SLA: variants seen among roughly 807,000 people sequenced by gnomAD.
The protein encoded by SLA is Src like adaptor, also known as src-like-adapter.
A neutral mutation model predicts 30.3 loss-of-function variants in SLA; 16 were observed. The ratio of observed to expected loss-of-function variants is 0.53; its 90% CI spans 0.36 to 0.80. SLA has a LOEUF of 0.80. Among genes scored for constraint, SLA ranks in the 30% least tolerant of loss-of-function variants. SLA has a pLI of 0.01. For missense variants in SLA, 310 were observed against 345.2 expected, an observed-to-expected ratio of 0.90 and a Z score of 0.81; for synonymous variants, 143 against 137.8, an observed-to-expected ratio of 1.04 and a Z score of -0.26.
At chr8:133,094,733 A>G (rs1405215974) in intron 1 of SLA, 2 of 431,944 alleles carry the variant, frequency 4.6e-6, no homozygotes, top group African/African-American at 4.0e-5. Flanking sequence ...GATCCTCTTA[A>G]AGAACCATCA....
intron 1 of SLA, among the ~76,000 whole-genome samples, chr8:133,088,765 A>G (rs947742052): frequency 1.3e-5 from 2 of 152,178 alleles, no homozygotes; most frequent in Admixed American, 6.5e-5. Context: ...CTTTTTTCCT[A>G]TGCCCTAAGA....
At chr8:133,059,258 A>C (rs1842015659) in intron 3 of SLA, 2 of 398,496 alleles carry the variant, frequency 5.0e-6, no homozygotes, top group African/African-American at 4.1e-5. Flanking sequence ...AAGTGTTCCA[A>C]GGTGCCCCCT....
At chr8:133,097,384 G>A (rs1357574447) in intron 1 of SLA, among the ~76,000 whole-genome samples, 1 of 152,208 alleles carries the variant, frequency 6.6e-6, no homozygotes, top group East Asian at 1.9e-4. Context: ...TTGTGGCATT[G>A]ATTATTGTGG....
At chr8:133,058,143 T>G (rs1841793904) in intron 3 of SLA, among the ~76,000 whole-genome samples, 2 of 152,356 alleles carry the variant, frequency 1.3e-5, no homozygotes, top group African/African-American at 4.8e-5. Context: ...TGGGGACTAC[T>G]TAACACGGCA....
At chr8:133,047,783 A>G (rs1839721094) in intron 6 of SLA, 47 bp downstream of exon 6, 1 of 1,067,602 alleles carries the variant, frequency 9.4e-7, no homozygotes, top group African/African-American at 1.5e-5. Flanking sequence ...GGAGCAAAAC[A>G]TGCTTGTCTG....
At position 133,093,314 on chromosome 8, in the gene SLA, A is replaced by C. The variant is rs1394838843; in HGVS notation, c.-319+9239T>G. Among the ~76,000 whole-genome samples the C allele has an allele frequency of 2.0e-5, 3 of 152,148 alleles. No individual in the cohort carries two copies. The East Asian group carries it at 5.8e-4, about 29-fold the overall frequency. On this transcript the variant is annotated intron_variant, in intron 1 of 8. Coordinates refer to ENST00000338087, the MANE Select transcript of SLA (RefSeq NM_001045556.3). ...TGGCCTGGCTGAGTAGTTTACTTTTATTGCTGCTGCTTATCAGAGGATCCT... is the reference window on the plus strand; with the variant it reads ...TGGCCTGGCTGAGTAGTTTACTTTTCTTGCTGCTGCTTATCAGAGGATCCT...
chr8:133,082,643 C>A (rs567881272), intron 1 of SLA, among the ~76,000 whole-genome samples: 2 of 152,326 alleles, frequency 1.3e-5, no homozygotes, highest in Non-Finnish European at 2.9e-5. Context: ...CTCTTAAACA[C>A]TCTGCCCTGG....
chr8:133,087,957 G>C (rs1447578480), intron 1 of SLA: 3 of 152,220 alleles, frequency 2.0e-5, no homozygotes, highest in African/African-American at 7.2e-5. Flanking sequence ...TCTTTCTTGA[G>C]TGTACCGCAA....
chr8:133,086,565 C>A (rs897361223), intron 1 of SLA, among the ~76,000 whole-genome samples: 9 of 151,966 alleles, frequency 5.9e-5, no homozygotes, highest in Admixed American at 2.6e-4. Context: ...AAAAACTATA[C>A]CTTTTGACTC....
chr8:133,067,697 A>G (rs1203323268), intron 2 of SLA, among the ~76,000 whole-genome samples: 4 of 151,796 alleles, frequency 2.6e-5, no homozygotes, highest in Non-Finnish European at 5.9e-5. Context: ...AATCACTTGA[A>G]CCCGTGAGGC....
chr8:133,086,190 C>T (rs778466566), intron 1 of SLA, among the ~76,000 whole-genome samples: 17 of 152,086 alleles, frequency 1.1e-4, no homozygotes, highest in East Asian at 1.9e-4. Context: ...TGATGGCCTG[C>T]GGCTGGGAGT....
intron 1 of SLA, among the ~76,000 whole-genome samples, chr8:133,098,501 T>C (rs1396202699): frequency 6.6e-6 from 1 of 152,220 alleles, no homozygotes; most frequent in Non-Finnish European, 1.5e-5. Context: ...ACCTCCTTAT[T>C]TGATACCCTC....
rs2272706 is a variant in SLA, at chr8:133,094,979, A to G, written c.-319+7574T>C. On this transcript the variant is annotated intron_variant, in intron 1 of 8. Coordinates refer to ENST00000338087, the MANE Select transcript of SLA (RefSeq NM_001045556.3). The stretch of plus-strand genomic sequence containing the variant: ...GCAGAACCCTGATGTGGCACTGAGG[A>G]CTCCAGGTGAGCAGGGGCTGAAGAT... 1,159,047 of 1,608,604 alleles carry G rather than the reference A, an allele frequency of 0.72. 422,740 individuals are homozygous for G. The highest frequency in any genetic ancestry group is 0.81 in the African/African-American group (60,543 of 74,844).
At position 133,037,215 on chromosome 8, in the gene SLA, C is replaced by T. The variant is rs752156853; in HGVS notation, c.*1309G>A. 1 of 152,156 alleles carries T rather than the reference C, an allele frequency of 6.6e-6. No individual in the cohort carries two copies. The highest frequency in any genetic ancestry group is 6.5e-5 in the Admixed American group (1 of 15,286). The allele number at this position is 152,156 out of a possible 1,614,324, so 9.4% of individuals were successfully genotyped here. A position where few individuals can be genotyped will look rare whatever the true frequency, so the allele number is the denominator to read the frequency against. The stretch of plus-strand genomic sequence containing the variant: ...CATGAGTCACAGATTCATCTGCAGC[C>T]CACTCTCTTCCTAGTAGGATTTGGA... On this transcript the variant is annotated 3_prime_UTR_variant, in exon 9 of 9. Coordinates refer to ENST00000338087, the MANE Select transcript of SLA (RefSeq NM_001045556.3).
At chr8:133,090,530 G>A (rs1012713851) in intron 1 of SLA, among the ~76,000 whole-genome samples, 1 of 152,244 alleles carries the variant, frequency 6.6e-6, no homozygotes, top group African/African-American at 2.4e-5. Context: ...CCCCAAGTCA[G>A]ACAGCGCAAG....
At chr8:133,049,862 G>C (rs771268381) in intron 5 of SLA, 40 bp downstream of exon 5, 25 of 1,232,662 alleles carry the variant, frequency 2.0e-5, no homozygotes, top group Non-Finnish European at 2.9e-5. Context: ...ACCAGCATAC[G>C]CATCATGCTT....
intron 1 of SLA, among the ~76,000 whole-genome samples, chr8:133,091,259 T>C (rs1327722921): frequency 2.0e-5 from 3 of 152,240 alleles, no homozygotes; most frequent in Admixed American, 6.5e-5. Context: ...AGGAGCTCAC[T>C]GAGCACCTGC....
rs1305470063 is a variant in SLA at position 133,047,623 on chromosome 8, C to T, written c.352+207G>A. 14 of 585,400 alleles carry T rather than the reference C, an allele frequency of 2.4e-5. No homozygotes were observed. The South Asian group carries it at 2.7e-4, about 11-fold the overall frequency. The allele number at this position is 585,400 out of a possible 1,614,324, so 36.3% of individuals were successfully genotyped here. ...GATGTTGGCCAGGCCCGTGGCAGTG[C>T]CCAGCCGGCTCCCCACTGCCTGTCT... On this transcript the variant is annotated intron_variant, in intron 6 of 8. Transcript: ENST00000338087.
chr8:133,039,890 A>G (rs879047145), intron 8 of SLA, 108 bp downstream of exon 8: 1 of 1,475,342 alleles, frequency 6.8e-7, no homozygotes. Flanking sequence ...GACTCTGGCC[A>G]TGGTTTTCAT....
Sources: gnomAD v4.1 joint callset for allele counts (sites outside exome capture counted in the v4.1 genomes callset) on GRCh38, gnomAD v4.1.1 for gene constraint, MANE v1.5 for transcripts, NCBI Gene and HGNC (gene_info 2026-07-23, HGNC 2026-07-21) for gene names.